Variants in SNRK observed in about 807,000 individuals in gnomAD.
SNRK encodes the protein SNF-related serine/threonine-protein kinase.
A neutral mutation model predicts 48.2 loss-of-function variants in SNRK; 3 were observed. The observed-to-expected ratio is 0.06, with a 90% confidence interval of 0.03 to 0.16. The LOEUF (loss-of-function observed/expected upper bound fraction) is 0.16, where lower values mean the gene tolerates loss of function less well. Among genes scored for constraint, SNRK ranks in the 10% least tolerant of loss-of-function variants. SNRK has a pLI of 1.00. For missense variants in SNRK, 627 were observed against 976.0 expected (o/e 0.64, Z 4.76); for synonymous variants, 376 against 366.1 (o/e 1.03, Z -0.31).
At position 43,347,867 on chromosome 3, in the gene SNRK, C is replaced by T; in HGVS notation, c.1608C>T (p.Ser536=). The T allele has an allele frequency of 1.2e-6, 2 of 1,614,188 alleles. No individual in the cohort carries two copies. Among genetic ancestry groups the T allele is most frequent in the Middle Eastern group, 3.3e-4 (2 of 6,062 alleles). The change falls in exon 7 of 7, where the codon TCC becomes TCT. Residue 536 remains serine (S), a synonymous_variant. Coordinates refer to ENST00000296088, the MANE Select transcript of SNRK (RefSeq NM_017719.5). This position sits in a 1 kb window ranked among gnomAD's most constrained non-coding sequence, Gnocchi z 5.4. Reference sequence around the variant, plus strand: ...GGAGGAAAAGTCAGGGCCGGGGCTCCAGCTGCAGTAGTTCGGAGACCAGTG... The same window carrying T: ...GGAGGAAAAGTCAGGGCCGGGGCTCTAGCTGCAGTAGTTCGGAGACCAGTG... ...YHRRKSQGRG[S]SCSSSETSDD... is the part of the protein sequence containing the mutation.
intron 4 of SNRK, 114 bp downstream of exon 4, chr3:43,332,424 G>C: frequency 4.6e-6 from 2 of 439,502 alleles, no homozygotes; most frequent in Non-Finnish European, 6.0e-6. Flanking sequence ...AAGCATCTGG[G>C]TTGATTTTAA....
chr3:43,337,287 T>C (rs908849458), intron 4 of SNRK, among the ~76,000 whole-genome samples: 34 of 151,588 alleles, frequency 2.2e-4, no homozygotes, highest in Admixed American at 3.9e-4. Flanking sequence ...TTGCCCAGGC[T>C]GGTCTCGAAC....
At chr3:43,336,340 T>C (rs1171958396) in intron 4 of SNRK, among the ~76,000 whole-genome samples, 1 of 149,848 alleles carries the variant, frequency 6.7e-6, no homozygotes, top group African/African-American at 2.4e-5. Context: ...CCTCTCTTTC[T>C]TTTCTTAGAC....
intron 3 of SNRK, among the ~76,000 whole-genome samples, chr3:43,319,565 A>G (rs997785361): frequency 1.3e-5 from 2 of 152,126 alleles, no homozygotes; most frequent in South Asian, 2.1e-4. Flanking sequence ...TTGGAATTGG[A>G]TGGGGCGGTG....
At chr3:43,342,588 T>A (rs2091245409) in intron 5 of SNRK, among the ~76,000 whole-genome samples, 1 of 152,204 alleles carries the variant, frequency 6.6e-6, no homozygotes, top group South Asian at 2.1e-4. Context: ...CTACAGAAAG[T>A]TTCTGAAAAC....
intron 3 of SNRK, among the ~76,000 whole-genome samples, chr3:43,323,150 C>T (rs2091068240): frequency 6.6e-6 from 1 of 151,848 alleles, no homozygotes; most frequent in Non-Finnish European, 1.5e-5. Context: ...ATAAAATGAA[C>T]CTTGATCAGT....
At chr3:43,314,690 A>G (rs2091002008) in intron 3 of SNRK, among the ~76,000 whole-genome samples, 1 of 152,152 alleles carries the variant, frequency 6.6e-6, no homozygotes. Flanking sequence ...TCCTGCTTGT[A>G]AGATAGTACA....
Position 43,347,784 on chromosome 3 carries a change from T to C in SNRK, c.1525T>C (p.Leu509=), listed in dbSNP as rs748319902. The C allele has an allele frequency of 1.2e-6, 2 of 1,614,184 alleles. No individual in the cohort carries two copies. The highest frequency in any genetic ancestry group is 2.2e-5 in the South Asian group (2 of 91,074). Residue 509 remains leucine (L), a synonymous_variant, in exon 7 of 7, where the codon TTG becomes CTG. Coordinates refer to ENST00000296088, the MANE Select transcript of SNRK (RefSeq NM_017719.5). The surrounding 1 kb of genome is among the most constrained non-coding windows in gnomAD (Gnocchi z 5.4). ...CATGGATGAGAATCTGCCTCCCAAG[T>C]TGAGCAGGTTAAAGATGAATATAGC... ...FDMDENLPPK[L]SRLKMNIASP... is the part of the protein sequence containing the mutation.
intron 6 of SNRK, chr3:43,346,863 T>G (rs1026895711): frequency 2.6e-5 from 4 of 153,238 alleles, no homozygotes; most frequent in Admixed American, 6.5e-5. Context: ...TTAAACTGTT[T>G]CCATTTCATT....
chr3:43,347,459 T>C lies in SNRK; in HGVS notation c.1200T>C (p.Asn400=). The change falls in exon 7 of 7, where the codon AAT becomes AAC. Residue 400 remains asparagine, a synonymous_variant. Transcript: ENST00000296088. The surrounding 1 kb of genome is among the most constrained non-coding windows in gnomAD (Gnocchi z 5.4). ...CTCGGGCTGCTGACAGTGTCCTCAA[T>C]GGCCACAGGAGCAAAGGCCTGTGTG... ...SPARAADSVL[N]GHRSKGLCDS... The C allele has an allele frequency of 6.2e-7, 1 of 1,614,016 alleles. No individual in the cohort carries two copies. The highest frequency in any genetic ancestry group is 1.6e-4 in the Middle Eastern group (1 of 6,062).
At position 43,298,134 on chromosome 3, in the gene SNRK, T is replaced by G. The variant is rs78042808; in HGVS notation, c.-168-1620T>G. 3.0e-3 allele frequency among the ~76,000 whole-genome samples: 461 copies of G among 152,252 alleles called. 5 individuals carry two copies. The highest frequency in any genetic ancestry group is 0.011 in the African/African-American group (439 of 41,530). On this transcript the variant is annotated intron_variant, in intron 1 of 6. Coordinates refer to ENST00000296088, the MANE Select transcript of SNRK (RefSeq NM_017719.5). ...ATTAAGTCGTTTGATCCTCACCATA[T>G]CTTATGAGATTGTTTTCTTATTACT...
chr3:43,334,076 G>T (rs1236432833), intron 4 of SNRK, among the ~76,000 whole-genome samples: 2 of 152,080 alleles, frequency 1.3e-5, no homozygotes, highest in Non-Finnish European at 2.9e-5. Flanking sequence ...AACCCAGGAG[G>T]TGGAGGTTGC....
chr3:43,317,403 G>A (rs966590430), intron 3 of SNRK, among the ~76,000 whole-genome samples: 5 of 152,154 alleles, frequency 3.3e-5, no homozygotes, highest in Non-Finnish European at 5.9e-5. Context: ...AATTCCTTGG[G>A]TCAGCAGACT....
intron 3 of SNRK, among the ~76,000 whole-genome samples, chr3:43,329,093 C>T (rs985801870): frequency 1.1e-4 from 16 of 152,148 alleles, no homozygotes; most frequent in African/African-American, 2.9e-4. Context: ...AAAGTCGTAG[C>T]GCTCTGTTGA....
At chr3:43,309,857 T>G (rs2090966609) in intron 3 of SNRK, among the ~76,000 whole-genome samples, 1 of 152,102 alleles carries the variant, frequency 6.6e-6, no homozygotes, top group Non-Finnish European at 1.5e-5. Context: ...TTTTGTTGTT[T>G]GTTTGTTTTT....
At chr3:43,343,630 G>A in intron 6 of SNRK, 152 bp downstream of exon 6, 2 of 844,908 alleles carry the variant, frequency 2.4e-6, no homozygotes, top group Non-Finnish European at 3.6e-6. Flanking sequence ...GGGCTCTTCA[G>A]GTGTACATGA....
chr3:43,330,256 T>C (rs1255420469), intron 3 of SNRK, among the ~76,000 whole-genome samples: 1 of 152,228 alleles, frequency 6.6e-6, no homozygotes, highest in Non-Finnish European at 1.5e-5. Context: ...ATCACCCCTT[T>C]TTTTTGCTGT....
chr3:43,319,491 G>A (rs1040072287), intron 3 of SNRK, among the ~76,000 whole-genome samples: 1 of 152,152 alleles, frequency 6.6e-6, no homozygotes, highest in Non-Finnish European at 1.5e-5. Flanking sequence ...AAGAGGGGCT[G>A]TGGATGGCTA....
At chr3:43,304,802 T>C (rs761741822) in intron 3 of SNRK, among the ~76,000 whole-genome samples, 1 of 152,140 alleles carries the variant, frequency 6.6e-6, no homozygotes, top group Non-Finnish European at 1.5e-5. Flanking sequence ...TATTGAATAC[T>C]CTGTACACCA....
Sources: gnomAD v4.1 joint callset for allele counts (sites outside exome capture counted in the v4.1 genomes callset) on GRCh38, gnomAD v4.1.1 for gene constraint, Gnocchi (gnomAD v3.1) non-coding constraint, MANE v1.5 for transcripts, NCBI Gene and HGNC (gene_info 2026-07-23, HGNC 2026-07-21) for gene names.